The following RBFOX1 variants were observed in gnomAD, a reference collection of about 807,000 sequenced individuals.
RBFOX1 encodes RNA binding protein fox-1 homolog 1.
A neutral mutation model predicts 57.7 loss-of-function variants in RBFOX1; 8 were observed. The ratio of observed to expected loss-of-function variants is 0.14; its 90% CI spans 0.08 to 0.25. The LOEUF (loss-of-function observed/expected upper bound fraction) is 0.25. Among genes scored for constraint, RBFOX1 ranks in the 10% least tolerant of loss-of-function variants. RBFOX1 has a pLI of 1.00. For missense variants in RBFOX1, 611 were observed against 548.5 expected (o/e 1.11, Z -1.14); for synonymous variants, 326 against 222.4 (o/e 1.47, Z -4.15).
chr16:6,178,257 G>C (rs997481933), intron 1 of RBFOX1, among the ~76,000 whole-genome samples: 1 of 138,282 alleles, frequency 7.2e-6, no homozygotes, highest in Non-Finnish European at 1.5e-5. Flanking sequence ...TGAGATCTCG[G>C]TTCACTGCAA....
At chr16:6,428,473 A>G (rs1184022160) in intron 2 of RBFOX1, among the ~76,000 whole-genome samples, 1 of 152,112 alleles carries the variant, frequency 6.6e-6, no homozygotes, top group Non-Finnish European at 1.5e-5. Flanking sequence ...TATTCTGTAT[A>G]ATAGAGGCAT....
intron 4 of RBFOX1, among the ~76,000 whole-genome samples, chr16:7,361,080 T>G (rs1424768592): frequency 6.6e-6 from 1 of 151,602 alleles, no homozygotes; most frequent in Non-Finnish European, 1.5e-5. Context: ...CTGCTGGGGG[T>G]TTCTTGGCCA....
intron 3 of RBFOX1, among the ~76,000 whole-genome samples, chr16:6,956,859 A>C (rs1450365108): frequency 6.6e-6 from 1 of 152,062 alleles, no homozygotes; most frequent in South Asian, 2.1e-4. Flanking sequence ...CTGGGTATTC[A>C]AGGTGACTTC....
intron 4 of RBFOX1, among the ~76,000 whole-genome samples, chr16:7,418,746 C>G (rs1278799180): frequency 1.3e-5 from 2 of 152,116 alleles, no homozygotes; most frequent in Non-Finnish European, 2.9e-5. Context: ...GTCTTATCCT[C>G]TTTTCTCCTC....
chr16:5,421,951 C>G (rs1020906944), intron 1 of RBFOX1, among the ~76,000 whole-genome samples: 1 of 152,130 alleles, frequency 6.6e-6, no homozygotes, highest in Non-Finnish European at 1.5e-5. Flanking sequence ...CGAAAAGAGC[C>G]ATGATGCCTA....
chr16:6,783,578 ATC>A (rs2081398154), intron 3 of RBFOX1, among the ~76,000 whole-genome samples: 1 of 151,964 alleles, frequency 6.6e-6, no homozygotes, highest in Non-Finnish European at 1.5e-5. Flanking sequence ...ACTTTTTGCT[ATC>A]TCTGTCTTTT....
chr16:7,629,165 C>A (rs577498439), intron 10 of RBFOX1, among the ~76,000 whole-genome samples: 1 of 152,084 alleles, frequency 6.6e-6, no homozygotes, highest in Non-Finnish European at 1.5e-5. Flanking sequence ...GGCTGCTTCT[C>A]CCTGGGAAAA....
intron 4 of RBFOX1, among the ~76,000 whole-genome samples, chr16:7,079,335 C>T (rs80217988): frequency 0.01 from 1,528 of 152,164 alleles, 30 homozygotes; most frequent in African/African-American, 0.035. Context: ...GTGCATGTTC[C>T]TAAAAGAAGG....
rs141291275 is a variant in RBFOX1, at chr16:5,597,139, G to A, written c.259-1763G>A. On this transcript the variant is annotated intron_variant, in intron 2 of 2. Coordinates refer to the RBFOX1 transcript ENST00000585867. ...TAATTCTTGTGGCTGGTACAGGAAA[G>A]AGTAGGTAGCTTCTGTCCCCCTCTG... Among the ~76,000 whole-genome samples, 729 of 152,264 alleles carry A rather than the reference G, an allele frequency of 4.8e-3. 5 individuals are homozygous for A. The highest frequency in any genetic ancestry group is 0.01 in the Middle Eastern group (3 of 294).
intron 4 of RBFOX1, among the ~76,000 whole-genome samples, chr16:7,204,833 G>T (rs923879536): frequency 2.6e-5 from 4 of 151,694 alleles, no homozygotes; most frequent in African/African-American, 9.7e-5. Context: ...TTTCCCCTCC[G>T]CACAGTTTCT....
At chr16:5,485,788 T>C (rs1250209025) in intron 2 of RBFOX1, among the ~76,000 whole-genome samples, 3 of 152,178 alleles carry the variant, frequency 2.0e-5, no homozygotes, top group African/African-American at 7.2e-5. Context: ...GTGCCCCCTG[T>C]CTGGGAGCAC....
At chr16:7,286,444 T>C (rs867595690) in intron 4 of RBFOX1, among the ~76,000 whole-genome samples, 215 of 149,770 alleles carry the variant, frequency 1.4e-3, no homozygotes, top group African/African-American at 5.2e-3. Context: ...TTTGATACTT[T>C]CTTATTTTTT....
chr16:6,543,075 G>C (rs1267796971), intron 2 of RBFOX1, among the ~76,000 whole-genome samples: 1 of 152,128 alleles, frequency 6.6e-6, no homozygotes, highest in East Asian at 1.9e-4. Context: ...TTGATCAATA[G>C]TTTTGTTCAT....
chr16:7,615,760 A>G (rs73490611), intron 10 of RBFOX1, among the ~76,000 whole-genome samples: 1,702 of 152,264 alleles, frequency 0.011, 33 homozygotes, highest in South Asian at 0.098. Context: ...CACTGCTGAC[A>G]TCTAGTGGGT....
At chr16:5,774,135 C>G (rs2054069472) in intron 3 of RBFOX1, among the ~76,000 whole-genome samples, 1 of 152,132 alleles carries the variant, frequency 6.6e-6, no homozygotes, top group African/African-American at 2.4e-5. Flanking sequence ...ATGAGTTAGC[C>G]TGTGCAGGAG....
At chr16:5,644,239 A>T (rs979115723) in intron 3 of RBFOX1, among the ~76,000 whole-genome samples, 3 of 152,228 alleles carry the variant, frequency 2.0e-5, no homozygotes, top group African/African-American at 7.2e-5. Flanking sequence ...TTGGGGCTCT[A>T]ATTAAATAGG....
intron 3 of RBFOX1, among the ~76,000 whole-genome samples, chr16:6,999,220 TTTTTATTTA>T (rs1568300221): frequency 6.2e-4 from 81 of 129,712 alleles, no homozygotes; most frequent in African/African-American, 2.1e-3. Flanking sequence ...TTATTTATTT[TTTTTATTTA>T]TTTTTTTTTT....
At chr16:6,936,039 A>C (rs146503777) in intron 3 of RBFOX1, among the ~76,000 whole-genome samples, 1 of 152,144 alleles carries the variant, frequency 6.6e-6, no homozygotes, top group African/African-American at 2.4e-5. Flanking sequence ...TTTCTTCTCA[A>C]TGCGCAAGAG....
intron 2 of RBFOX1, chr16:6,573,682 CA>C (rs1170048128): frequency 1.3e-5 from 2 of 152,328 alleles, no homozygotes; most frequent in East Asian, 3.9e-4. Flanking sequence ...TGCTGTGTGA[CA>C]TGCTCAGGGG....
Sources: allele counts gnomAD v4.1 joint callset (sites outside exome capture counted in the v4.1 genomes callset), GRCh38; gene constraint gnomAD v4.1.1; transcripts MANE v1.5; gene names NCBI Gene and HGNC (gene_info 2026-07-23, HGNC 2026-07-21).